WDR19: variants seen among roughly 807,000 people sequenced by gnomAD.
WDR19 encodes the protein WD repeat-containing protein 19.
Under a neutral mutation model 180.0 loss-of-function variants are expected in WDR19, and 121 were observed. The ratio of observed to expected loss-of-function variants is 0.67; its 90% CI spans 0.58 to 0.78. The LOEUF is 0.78. WDR19 is among the 30% of genes least tolerant of loss of function. WDR19 has a pLI of 0.00. For synonymous variants in WDR19, 497 were observed against 540.7 expected (o/e 0.92, Z 1.12); for missense variants, 1,450 against 1,640.7 (o/e 0.88, Z 2.01).
intron 20 of WDR19, 144 bp from the exon 21 acceptor site, chr4:39,240,133 T>G: frequency 3.4e-6 from 1 of 294,736 alleles, no homozygotes; most frequent in Non-Finnish European, 5.5e-6. Flanking sequence ...GTTGTAATTG[T>G]GCCACTGCAC....
Position 39,225,004 on chromosome 4 carries a change from GA to G in WDR19, c.1606del (p.Ser536ValfsTer83), listed in dbSNP as rs35579726. On this transcript the variant is annotated frameshift_variant, in exon 15 of 37. Transcript: ENST00000399820. LOFTEE classifies it high-confidence loss of function. ...PNGTRLVFIDEKSDGFVYCPV... is the reference protein window; with the variant it reads ...PNGTRLVFIDXKSDGFVYCPV... ...TGGGACCAGATTAGTTTTCATTGAT[GA>G]AAAAAGTGATGGATTTGTTTACTGT... The G allele has an allele frequency of 1.3e-6, 2 of 1,563,272 alleles. No individual in the cohort carries two copies. Among genetic ancestry groups the G allele is most frequent in the East Asian group, 2.3e-5 (1 of 43,632 alleles).
intron 9 of WDR19, 43 bp downstream of exon 9, chr4:39,205,779 ATACT>A (rs1374239791): frequency 6.8e-7 from 1 of 1,479,056 alleles, no homozygotes; most frequent in Non-Finnish European, 9.0e-7. Flanking sequence ...TATATAGTAA[ATACT>A]TAAGTGAATC....
At chr4:39,186,147 A>T (rs1725515658) in intron 2 of WDR19, among the ~76,000 whole-genome samples, 1 of 152,164 alleles carries the variant, frequency 6.6e-6, no homozygotes, top group Non-Finnish European at 1.5e-5. Flanking sequence ...AAAACACTGA[A>T]ATCATTTGGA....
chr4:39,211,968 AGAGAGAGAGAGAGAGAG>A (rs1179081893), intron 9 of WDR19, among the ~76,000 whole-genome samples: 1 of 145,054 alleles, frequency 6.9e-6, no homozygotes, highest in African/African-American at 2.6e-5. Flanking sequence ...AGAGAGAGAG[AGAGAGAGAGAGAGAGAG>A]ATAGATAGAT....
chr4:39,238,808 AT>A (rs1306867763), intron 20 of WDR19, among the ~76,000 whole-genome samples: 1 of 152,208 alleles, frequency 6.6e-6, no homozygotes, highest in African/African-American at 2.4e-5. Flanking sequence ...TTCAGAGCTG[AT>A]TAATTTATCC....
At chr4:39,262,550 C>T (rs907377508) in intron 28 of WDR19, among the ~76,000 whole-genome samples, 1 of 152,084 alleles carries the variant, frequency 6.6e-6, no homozygotes, top group Non-Finnish European at 1.5e-5. Context: ...TTAAACTGCC[C>T]TCTTTTATTT....
intron 14 of WDR19, 184 bp downstream of exon 14, chr4:39,218,289 G>T: frequency 1.3e-6 from 1 of 768,616 alleles, no homozygotes; most frequent in Non-Finnish European, 2.0e-6. Flanking sequence ...TCTGAGAAAC[G>T]TGTCATTGGG....
At chr4:39,272,579 A>G (rs987033017) in intron 31 of WDR19, among the ~76,000 whole-genome samples, 3 of 152,184 alleles carry the variant, frequency 2.0e-5, no homozygotes, top group Non-Finnish European at 4.4e-5. Context: ...TCTGCCCGTC[A>G]TTGCCCTCTT....
At chr4:39,264,133 C>T (rs1734562595) in intron 28 of WDR19, among the ~76,000 whole-genome samples, 1 of 152,180 alleles carries the variant, frequency 6.6e-6, no homozygotes, top group Admixed American at 6.5e-5. Context: ...ATTTAATCCT[C>T]ACAACAGTTC....
Position 39,203,522 on chromosome 4 carries a change from A to C in WDR19, c.523-120A>C, listed in dbSNP as rs1263036808. ...ATTTCTAGATATTTGTGACAGTAGGATTTTCAGGTTCTTAGTCCAACATTA... is the reference window on the plus strand; with the variant it reads ...ATTTCTAGATATTTGTGACAGTAGGCTTTTCAGGTTCTTAGTCCAACATTA... On this transcript the variant is annotated intron_variant, in intron 6 of 36. Coordinates refer to ENST00000399820, the MANE Select transcript of WDR19 (RefSeq NM_025132.4). 9.0e-5 allele frequency: 67 copies of C among 746,046 alleles called. No individual in the cohort carries two copies. In the East Asian group the frequency reaches 1.7e-3, roughly 19 times the overall value. 46.2% of individuals were successfully genotyped at this position (746,046 alleles called of 1,614,324 possible).
intron 28 of WDR19, among the ~76,000 whole-genome samples, 188 bp downstream of exon 28, chr4:39,257,742 G>GT (rs575721802): frequency 2.2e-4 from 32 of 147,178 alleles, no homozygotes; most frequent in South Asian, 1.5e-3. Flanking sequence ...TCTTTCCCCG[G>GT]TTTTTTTTTT....
chr4:39,267,437 T>C (rs898970924), intron 29 of WDR19, among the ~76,000 whole-genome samples: 11 of 152,170 alleles, frequency 7.2e-5, no homozygotes, highest in African/African-American at 2.7e-4. Context: ...CCTCCCATGG[T>C]GTCCACTTAT....
chr4:39,244,345 G>A lies in WDR19; in HGVS notation c.2519G>A (p.Arg840Lys). 1 of 1,613,982 alleles carries A rather than the reference G, an allele frequency of 6.2e-7. No homozygotes were observed. The highest frequency in any genetic ancestry group is 8.5e-7 in the Non-Finnish European group (1 of 1,179,864). ...AACCAAGCCCTCAAGCATCCCAGCA[G>A]GGTCCTTAAAAGAGACTGTGGAGCC... Reference protein sequence around the residue: ...GVNQALKHPSRVLKRDCGAIL... With the variant: ...GVNQALKHPSKVLKRDCGAIL... The change falls in exon 22 of 37, where the codon AGG (arginine) becomes AAG (lysine). Residue 840 changes from arginine (R) to lysine (K), a missense_variant. Arg to Lys is a conservative substitution (Grantham distance 26, BLOSUM62 2). Coordinates refer to ENST00000399820, the MANE Select transcript of WDR19 (RefSeq NM_025132.4).
intron 6 of WDR19, among the ~76,000 whole-genome samples, chr4:39,199,927 A>G (rs1577859318): frequency 6.6e-6 from 1 of 152,248 alleles, no homozygotes; most frequent in East Asian, 1.9e-4. Context: ...TAACTGGTAG[A>G]TCTTGAACTC....
chr4:39,217,056 CT>C, intron 12 of WDR19, 77 bp from the exon 13 acceptor site: 1 of 987,240 alleles, frequency 1.0e-6, no homozygotes, highest in Non-Finnish European at 1.5e-6. Flanking sequence ...AAAAGCACAC[CT>C]TTTAAAATTA....
At chr4:39,240,844 T>C (rs1413233941) in intron 21 of WDR19, among the ~76,000 whole-genome samples, 1 of 151,026 alleles carries the variant, frequency 6.6e-6, no homozygotes, top group African/African-American at 2.4e-5. Flanking sequence ...TAGTCCCAGC[T>C]ACTCAGGAGG....
chr4:39,199,618 C>T (rs752050264), intron 6 of WDR19, 25 bp downstream of exon 6: 47 of 1,554,672 alleles, frequency 3.0e-5, no homozygotes, highest in Middle Eastern at 1.7e-4. Context: ...TCTCTTTGGT[C>T]TGATATATTC....
intron 14 of WDR19, chr4:39,218,322 T>A: frequency 1.6e-6 from 1 of 619,698 alleles, no homozygotes; most frequent in Non-Finnish European, 2.7e-6. Context: ...TGTGTGGATG[T>A]CATAGAGTGT....
intron 14 of WDR19, among the ~76,000 whole-genome samples, chr4:39,220,870 A>ATT (rs34845614): frequency 4.1e-3 from 249 of 60,400 alleles, no homozygotes; most frequent in Non-Finnish European, 5.0e-3. Context: ...CTGCTAATTA[A>ATT]TTTTTTTTTT....
Sources: gnomAD v4.1 joint callset for allele counts (sites outside exome capture counted in the v4.1 genomes callset) on GRCh38, gnomAD v4.1.1 for gene constraint, MANE v1.5 for transcripts, NCBI Gene and HGNC (gene_info 2026-07-23, HGNC 2026-07-21) for gene names.